The following FARP1 variants were observed in gnomAD, a reference collection of about 807,000 sequenced individuals.
The protein encoded by FARP1 is FERM, ARHGEF and pleckstrin domain-containing protein 1.
Under a neutral mutation model 128.8 loss-of-function variants are expected in FARP1, and 52 were observed. The observed-to-expected ratio is 0.40, with a 90% CI of 0.32 to 0.51. FARP1 has a LOEUF of 0.51. Among genes scored for constraint, FARP1 ranks in the 20% least tolerant of loss-of-function variants. The probability of loss-of-function intolerance (pLI) is 0.45; values close to 1 mark genes in which losing one functional copy is unlikely to be tolerated. For missense variants in FARP1, 1,333 were observed against 1,367.9 expected, an observed-to-expected ratio of 0.97 and a Z score of 0.40; for synonymous variants, 580 against 551.8, an observed-to-expected ratio of 1.05 and a Z score of -0.72.
intron 1 of FARP1, among the ~76,000 whole-genome samples, chr13:98,173,557 T>G (rs1159128240): frequency 1.3e-5 from 2 of 152,216 alleles, no homozygotes; most frequent in Non-Finnish European, 2.9e-5. Context: ...TGGAGCTGCC[T>G]CCATAAGTCC....
rs143701959 is a variant in FARP1 at position 98,362,349 on chromosome 13, C to T, written c.277-3046C>T. Among the ~76,000 whole-genome samples the T allele has an allele frequency of 1.1e-3, 167 of 152,334 alleles. 1 individual carries two copies. Among genetic ancestry groups the T allele is most frequent in the Non-Finnish European group, 1.0e-3 (71 of 68,024 alleles). ...CTTGCTTCACAGCCAAGTTTCTTGA[C>T]GAAGCCATTCATCCTCTTCCCCATG... On this transcript the variant is annotated intron_variant, in intron 3 of 26. Coordinates refer to ENST00000319562, the MANE Select transcript of FARP1 (RefSeq NM_005766.4).
At chr13:98,209,836 G>GCC (rs1453428329) in intron 1 of FARP1, among the ~76,000 whole-genome samples, 1 of 134,682 alleles carries the variant, frequency 7.4e-6, no homozygotes, top group Admixed American at 7.5e-5. Context: ...AAAAGAAAAA[G>GCC]CCGGGGGTGG....
At chr13:98,224,540 A>G (rs1452163104) in intron 2 of FARP1, among the ~76,000 whole-genome samples, 18 of 30,090 alleles carry the variant, frequency 6.0e-4, no homozygotes, top group Non-Finnish European at 1.9e-3. Flanking sequence ...AAAAAAAAAA[A>G]AAAAAGAAAA....
chr13:98,213,954 G>GT (rs1173884402), intron 2 of FARP1, among the ~76,000 whole-genome samples: 1 of 152,126 alleles, frequency 6.6e-6, no homozygotes, highest in Non-Finnish European at 1.5e-5. Context: ...GGCAGGTGTG[G>GT]GAGTATCGAA....
rs1889045360 is a variant in FARP1 at position 98,365,500 on chromosome 13, G to A, written c.319+63G>A. On this transcript the variant is annotated intron_variant, in intron 4 of 26. Transcript: ENST00000319562. ...CTGAAGCCAGACAGTTTCATGTCTA[G>A]ACATCTCTTGCCCTGTGGCATGAAG... 3 of 1,222,660 alleles carry A rather than the reference G, an allele frequency of 2.5e-6. No homozygotes were observed. In the Admixed American group the frequency reaches 5.4e-5, roughly 22 times the overall value. 75.7% of individuals were successfully genotyped at this position (1,222,660 alleles called of 1,614,324 possible).
At chr13:98,313,829 G>A (rs114826593) in intron 2 of FARP1, among the ~76,000 whole-genome samples, 2,193 of 152,296 alleles carry the variant, frequency 0.014, 58 homozygotes, top group African/African-American at 0.051. Flanking sequence ...ATCTCGGCCC[G>A]CTCTTTGCTC....
chr13:98,438,678 T>TGGGGTCTGCACGCTCGCAGTCAGCCCTCA (rs1892395391), intron 19 of FARP1, 126 bp from the exon 20 acceptor site: 2 of 715,846 alleles, frequency 2.8e-6, no homozygotes, highest in South Asian at 3.4e-5. Context: ...AGTCCGTTCT[T>TGGGGTCTGCACGCTCGCAGTCAGCCCTCA]GGGGTCTGCA....
intron 2 of FARP1, among the ~76,000 whole-genome samples, chr13:98,222,871 C>G (rs1227127459): frequency 2.0e-5 from 3 of 150,430 alleles, no homozygotes; most frequent in African/African-American, 7.4e-5. Context: ...CTCTTGACCT[C>G]GCAACCCGGC....
chr13:98,330,937 G>C (rs1201664797), intron 2 of FARP1, among the ~76,000 whole-genome samples: 2 of 152,134 alleles, frequency 1.3e-5, no homozygotes, highest in Non-Finnish European at 2.9e-5. Flanking sequence ...TGAGTGCTTA[G>C]AAGTTTTCAG....
chr13:98,145,058 A>T (rs1441672923), intron 1 of FARP1, among the ~76,000 whole-genome samples: 1 of 152,218 alleles, frequency 6.6e-6, no homozygotes, highest in Non-Finnish European at 1.5e-5. Context: ...TGTCTGGCTA[A>T]TAGATCTGCT....
At chr13:98,209,003 T>TTTTG (rs1450424452) in intron 1 of FARP1, among the ~76,000 whole-genome samples, 1 of 151,924 alleles carries the variant, frequency 6.6e-6, no homozygotes, top group African/African-American at 2.4e-5. Flanking sequence ...CTTTCCTGAG[T>TTTTG]TTTGTTTGTT....
intron 1 of FARP1, among the ~76,000 whole-genome samples, chr13:98,200,489 G>C (rs144551012): frequency 2.0e-5 from 3 of 151,208 alleles, no homozygotes; most frequent in African/African-American, 7.3e-5. Flanking sequence ...CTGATTTGTG[G>C]GCACATTTTA....
intron 3 of FARP1, among the ~76,000 whole-genome samples, chr13:98,364,776 A>G (rs1232358375): frequency 6.6e-6 from 1 of 152,118 alleles, no homozygotes; most frequent in Non-Finnish European, 1.5e-5. Flanking sequence ...TGTGAAAGAG[A>G]GTCTGGACTT....
chr13:98,287,365 G>T (rs1489514265), intron 2 of FARP1, among the ~76,000 whole-genome samples: 1 of 151,474 alleles, frequency 6.6e-6, no homozygotes, highest in African/African-American at 2.4e-5. Flanking sequence ...GAGTAGCTGG[G>T]ACTACAGGCG....
intron 2 of FARP1, among the ~76,000 whole-genome samples, chr13:98,237,369 C>T (rs551372008): frequency 1.4e-4 from 21 of 152,104 alleles, no homozygotes; most frequent in East Asian, 3.9e-4. Context: ...TATGTGGCAC[C>T]GATTGCAGTT....
intron 26 of FARP1, chr13:98,447,957 A>G (rs1892958708): frequency 2.1e-6 from 1 of 483,838 alleles, no homozygotes; most frequent in African/African-American, 2.0e-5. Flanking sequence ...TCTCCCCAGC[A>G]ACCAGAGGCC....
rs770618605 is a variant in FARP1 at position 98,390,870 on chromosome 13, C to T, written c.1078C>T (p.Gln360Ter). The change falls in exon 11 of 27, where the codon CAG becomes TAG. Residue 360 changes from glutamine (Q) to a stop codon, truncating the protein, a stop_gained. Coordinates refer to ENST00000319562, the MANE Select transcript of FARP1 (RefSeq NM_005766.4). LOFTEE classifies it high-confidence loss of function. ...YVKEGGHKKV[Q>*]FERKHSKIHS... ...TAAAGAAGGAGGACATAAGAAGGTGCAGTTTGAAAGGTAAGAGAAGCTTCA... is the reference window on the plus strand; with the variant it reads ...TAAAGAAGGAGGACATAAGAAGGTGTAGTTTGAAAGGTAAGAGAAGCTTCA... The T allele has an allele frequency of 1.2e-6, 2 of 1,611,864 alleles. No homozygotes were observed. Among genetic ancestry groups the T allele is most frequent in the Admixed American group, 3.3e-5 (2 of 59,982 alleles).
chr13:98,309,217 A>G (rs1352177646), intron 2 of FARP1, among the ~76,000 whole-genome samples: 1 of 107,692 alleles, frequency 9.3e-6, no homozygotes, highest in Non-Finnish European at 1.7e-5. Flanking sequence ...CCCAGGCGGG[A>G]GTGCAGTGGC....
intron 1 of FARP1, among the ~76,000 whole-genome samples, chr13:98,194,789 G>T (rs950550482): frequency 6.6e-6 from 1 of 152,182 alleles, no homozygotes; most frequent in Non-Finnish European, 1.5e-5. Flanking sequence ...CTAGGATTTA[G>T]AAATTCATAA....
Sources: gnomAD v4.1 joint callset for allele counts (sites outside exome capture counted in the v4.1 genomes callset) on GRCh38, gnomAD v4.1.1 for gene constraint, MANE v1.5 for transcripts, NCBI Gene and HGNC (gene_info 2026-07-23, HGNC 2026-07-21) for gene names.